Variants in GPHN observed in about 807,000 individuals in gnomAD.
GPHN encodes the protein gephyrin.
A neutral mutation model predicts 95.5 loss-of-function variants in GPHN; 17 were observed. The ratio of observed to expected loss-of-function variants is 0.18; its 90% confidence interval spans 0.12 to 0.27. GPHN has a LOEUF of 0.27. Ranked by LOEUF, GPHN falls within the 10% of genes least tolerant of loss-of-function variation. The pLI, the probability that GPHN is intolerant of heterozygous loss-of-function variation, is 1.00. For missense variants in GPHN, 660 were observed against 978.1 expected (o/e 0.67, Z 4.34); for synonymous variants, 320 against 322.5 (o/e 0.99, Z 0.08).
the GPHN span, among the ~76,000 whole-genome samples, chr14:67,609,816 A>T: frequency 2.6e-5 from 4 of 152,138 alleles, no homozygotes; most frequent in African/African-American, 9.7e-5. Context: ...GGGATCCGCT[A>T]GGGGCTGGCA....
At chr14:67,146,250 C>A (rs543738567) in intron 18 of GPHN, among the ~76,000 whole-genome samples, 1 of 152,298 alleles carries the variant, frequency 6.6e-6, no homozygotes, top group African/African-American at 2.4e-5. Flanking sequence ...CCAGTACCTT[C>A]TTCCCAGCCA....
At chr14:67,071,551 G>T (rs1379769654) in intron 11 of GPHN, among the ~76,000 whole-genome samples, 1 of 151,932 alleles carries the variant, frequency 6.6e-6, no homozygotes, top group Non-Finnish European at 1.5e-5. Context: ...GTTAATGGGT[G>T]CAGCACACCA....
chr14:67,694,477 T>TACAC, the GPHN span, among the ~76,000 whole-genome samples: 45 of 142,922 alleles, frequency 3.1e-4, 2 homozygotes, highest in Middle Eastern at 3.6e-3. Context: ...TATATATATA[T>TACAC]ACACACACAC....
intron 3 of GPHN, among the ~76,000 whole-genome samples, chr14:66,786,373 A>G (rs1595896705): frequency 6.6e-6 from 1 of 152,224 alleles, no homozygotes; most frequent in Admixed American, 6.5e-5. Context: ...AAAAGCCATT[A>G]AGTAACTTAA....
chr14:67,409,364 G>C, the GPHN span, among the ~76,000 whole-genome samples: 1 of 152,174 alleles, frequency 6.6e-6, no homozygotes, highest in Non-Finnish European at 1.5e-5. Flanking sequence ...GCAACAGAGT[G>C]AGACCTCATC....
rs145342501 is a variant in GPHN, at chr14:66,756,461, A to G, written c.144-20003A>G. On this transcript the variant is annotated intron_variant, in intron 2 of 22. Coordinates refer to ENST00000478722, the MANE Select transcript of GPHN (RefSeq NM_020806.5). ...TCCACAGATGTGGAGGGCCAACAGA[A>G]CTCGAGCATCCTCTGCATTTTGTAT... Among the ~76,000 whole-genome samples, 36 of 152,120 alleles carry G rather than the reference A, an allele frequency of 2.4e-4. No individual in the cohort carries two copies. In the East Asian group the frequency reaches 7.0e-3, roughly 29 times the overall value.
chr14:67,159,610 A>G (rs1374545138), intron 19 of GPHN, 122 bp downstream of exon 19: 28 of 748,948 alleles, frequency 3.7e-5, no homozygotes, highest in Non-Finnish European at 6.9e-5. Flanking sequence ...AAAAAAAGAA[A>G]TATAGTATTA....
At chr14:66,636,465 A>G (rs2064103484) in intron 1 of GPHN, among the ~76,000 whole-genome samples, 1 of 152,120 alleles carries the variant, frequency 6.6e-6, no homozygotes, top group Non-Finnish European at 1.5e-5. Flanking sequence ...AGATTCCTTT[A>G]TTTGGCTGTG....
chr14:67,534,326 C>T, the GPHN span, among the ~76,000 whole-genome samples: 1 of 152,142 alleles, frequency 6.6e-6, no homozygotes, highest in African/African-American at 2.4e-5. Context: ...TGCCTGTAAT[C>T]CCAGCACTTT....
the GPHN span, among the ~76,000 whole-genome samples, chr14:67,493,323 G>A: frequency 0.012 from 1,795 of 152,162 alleles, 48 homozygotes; most frequent in African/African-American, 0.041. Flanking sequence ...TGTCTTTCCC[G>A]CCAAGTGCCC....
the GPHN span, among the ~76,000 whole-genome samples, chr14:67,213,095 GTTT>G: frequency 1.5e-5 from 2 of 135,666 alleles, no homozygotes; most frequent in African/African-American, 2.6e-5. Context: ...ATTCTGTGGT[GTTT>G]TTTTTTTTTT....
intron 1 of GPHN, among the ~76,000 whole-genome samples, chr14:66,664,557 G>A (rs1036657604): frequency 2.0e-5 from 3 of 151,936 alleles, no homozygotes; most frequent in African/African-American, 7.2e-5. Flanking sequence ...ACAACCTAAT[G>A]TCACAATGAA....
chr14:67,399,594 A>G, the GPHN span, among the ~76,000 whole-genome samples: 33 of 135,256 alleles, frequency 2.4e-4, no homozygotes, highest in Middle Eastern at 4.2e-3. Context: ...AGAGAAGGGT[A>G]GTTTAGGTGG....
At chr14:66,772,107 C>G (rs1743400100) in intron 2 of GPHN, among the ~76,000 whole-genome samples, 1 of 150,348 alleles carries the variant, frequency 6.7e-6, no homozygotes, top group Admixed American at 6.6e-5. Flanking sequence ...AACCTTTGTC[C>G]TTTAGGAAAA....
At chr14:66,697,347 G>T (rs573449770) in intron 2 of GPHN, among the ~76,000 whole-genome samples, 1 of 152,150 alleles carries the variant, frequency 6.6e-6, no homozygotes, top group African/African-American at 2.4e-5. Context: ...ACAGTATCAG[G>T]TTTTGTGAAC....
At chr14:66,788,648 T>A (rs745905455) in intron 3 of GPHN, among the ~76,000 whole-genome samples, 24 of 152,152 alleles carry the variant, frequency 1.6e-4, no homozygotes, top group Non-Finnish European at 3.2e-4. Context: ...CTTTTGTTTG[T>A]TTGTTTGTTT....
chr14:66,808,743 G>C (rs907181816), intron 3 of GPHN, among the ~76,000 whole-genome samples: 4 of 152,166 alleles, frequency 2.6e-5, no homozygotes, highest in African/African-American at 9.7e-5. Context: ...GTTGCAGTGA[G>C]CCAAGATCGC....
At chr14:67,625,259 T>C in the GPHN span, among the ~76,000 whole-genome samples, 1 of 152,058 alleles carries the variant, frequency 6.6e-6, no homozygotes, top group South Asian at 2.1e-4. Flanking sequence ...TTAGAGAACA[T>C]AGGACTGGAT....
At chr14:67,545,329 A>C in the GPHN span, among the ~76,000 whole-genome samples, 1 of 152,216 alleles carries the variant, frequency 6.6e-6, no homozygotes, top group African/African-American at 2.4e-5. Flanking sequence ...ATTCTGAATA[A>C]CTATGCGCTC....
Sources: gnomAD v4.1 joint callset for allele counts (sites outside exome capture counted in the v4.1 genomes callset) on GRCh38, gnomAD v4.1.1 for gene constraint, MANE v1.5 for transcripts, NCBI Gene and HGNC (gene_info 2026-07-23, HGNC 2026-07-21) for gene names.